Variants in KATNAL2 observed in about 807,000 individuals in gnomAD.
KATNAL2 encodes katanin catalytic subunit A1 like 2, also known as katanin p60 ATPase-containing subunit A-like 2.
KATNAL2 carries 52 observed loss-of-function variants against 76.3 expected under a neutral mutation model. That is an observed-to-expected ratio of 0.68 (90% CI 0.55 to 0.86). The LOEUF (loss-of-function observed/expected upper bound fraction) is 0.86, where lower values mean the gene tolerates loss of function less well. KATNAL2 is among the 40% of genes least tolerant of loss of function. The pLI, the probability that KATNAL2 is intolerant of heterozygous loss-of-function variation, is 0.00. For missense variants in KATNAL2, 660 were observed against 668.9 expected (o/e 0.99, Z 0.15); for synonymous variants, 243 against 244.2 (o/e 1.00, Z 0.05).
chr18:47,094,038 G>C (rs535946415), intron 15 of KATNAL2, among the ~76,000 whole-genome samples: 1 of 152,222 alleles, frequency 6.6e-6, no homozygotes, highest in Admixed American at 6.5e-5. Context: ...GGATGGTAGA[G>C]CCCTATGGGA....
chr18:47,069,303 T>C lies in KATNAL2; in HGVS notation c.889+20T>C. 1 of 1,593,726 alleles carries C rather than the reference T, an allele frequency of 6.3e-7. No individual in the cohort carries two copies. Among genetic ancestry groups the C allele is most frequent in the African/African-American group, 1.3e-5 (1 of 74,334 alleles). ...CTCCAGGTAAACACAGCTTCCTATT[T>C]TGATGTCAGTGTTAAGTGTGTGTGC... On this transcript the variant is annotated intron_variant, in intron 12 of 17. Coordinates refer to ENST00000683218, the MANE Select transcript of KATNAL2 (RefSeq NM_001387690.1).
chr18:47,084,482 G>T, intron 15 of KATNAL2: 1 of 690,834 alleles, frequency 1.4e-6, no homozygotes, highest in Non-Finnish European at 2.6e-6. Flanking sequence ...CTAGTGGCCT[G>T]GTATGTTCAG....
chr18:47,042,885 A>T (rs2061009379), intron 3 of KATNAL2, among the ~76,000 whole-genome samples: 1 of 152,108 alleles, frequency 6.6e-6, no homozygotes, highest in Admixed American at 6.5e-5. Flanking sequence ...GTGAATGGAA[A>T]ATGACCTACA....
intron 3 of KATNAL2, among the ~76,000 whole-genome samples, chr18:46,955,142 CTTTCTTTCTT>C (rs1361965823): frequency 7.5e-5 from 4 of 53,610 alleles, no homozygotes; most frequent in African/African-American, 2.5e-4. Context: ...TTCTCTCTCT[CTTTCTTTCTT>C]TCTTTCTTTC....
rs2058174019 is a variant in KATNAL2 at position 46,917,898 on chromosome 18, T to A, written c.-538T>A. 1 of 152,228 alleles carries A rather than the reference T, an allele frequency of 6.6e-6. No homozygotes were observed. Among genetic ancestry groups the A allele is most frequent in the Non-Finnish European group, 1.5e-5 (1 of 68,064 alleles). 9.4% of individuals were successfully genotyped at this position (152,228 alleles called of 1,614,324 possible). A position where few individuals can be genotyped will look rare whatever the true frequency, so the allele number is the denominator to read the frequency against. On this transcript the variant is annotated 5_prime_UTR_variant, in exon 1 of 18. Coordinates refer to ENST00000683218, the MANE Select transcript of KATNAL2 (RefSeq NM_001387690.1). Reference sequence around the variant, plus strand: ...ATAAAACCATCCCCCAGAGTAGTTGTGGCGGAATAATCTAAATATGGGTGT... The same window carrying A: ...ATAAAACCATCCCCCAGAGTAGTTGAGGCGGAATAATCTAAATATGGGTGT...
chr18:46,957,625 C>T (rs2059804197), intron 3 of KATNAL2, among the ~76,000 whole-genome samples: 1 of 138,940 alleles, frequency 7.2e-6, no homozygotes, highest in Non-Finnish European at 1.5e-5. Flanking sequence ...TGCAATGGCA[C>T]GATCTCGGCT....
intron 15 of KATNAL2, among the ~76,000 whole-genome samples, chr18:47,087,100 G>A (rs1396347622): frequency 6.6e-6 from 1 of 152,186 alleles, no homozygotes; most frequent in East Asian, 1.9e-4. Flanking sequence ...CCTTTCTGGT[G>A]AAAATGGTTT....
chr18:47,033,793 G>A, intron 3 of KATNAL2: 1 of 1,614,230 alleles, frequency 6.2e-7, no homozygotes, highest in Non-Finnish European at 8.5e-7. Context: ...TGAAGAGAGT[G>A]CTTCTGGCTT....
chr18:47,058,780 A>C (rs956988633), intron 7 of KATNAL2, among the ~76,000 whole-genome samples: 2 of 152,134 alleles, frequency 1.3e-5, no homozygotes, highest in African/African-American at 4.8e-5. Flanking sequence ...CCTACACTAC[A>C]TTTCAGGTAT....
At chr18:47,044,408 G>A (rs1344845279) in intron 3 of KATNAL2, among the ~76,000 whole-genome samples, 1 of 152,132 alleles carries the variant, frequency 6.6e-6, no homozygotes, top group African/African-American at 2.4e-5. Context: ...GGATGGTGGT[G>A]ATGGTTGTAC....
chr18:46,941,233 G>A (rs2059237788), intron 1 of KATNAL2, among the ~76,000 whole-genome samples: 1 of 151,980 alleles, frequency 6.6e-6, no homozygotes, highest in African/African-American at 2.4e-5. Context: ...GGGGTAGGGG[G>A]GCTGCTGAGG....
At chr18:47,088,085 G>T (rs2062851533) in intron 15 of KATNAL2, among the ~76,000 whole-genome samples, 1 of 152,136 alleles carries the variant, frequency 6.6e-6, no homozygotes, top group South Asian at 2.1e-4. Context: ...TGTTTAGCTG[G>T]AATAGGGCAG....
At chr18:47,033,799 G>A in intron 3 of KATNAL2, 1 of 1,614,206 alleles carries the variant, frequency 6.2e-7, no homozygotes, top group Non-Finnish European at 8.5e-7. Context: ...GAGTGCTTCT[G>A]GCTTTGCCTG....
chr18:47,064,689 G>A (rs991305443), intron 10 of KATNAL2, among the ~76,000 whole-genome samples: 1 of 152,136 alleles, frequency 6.6e-6, no homozygotes, highest in African/African-American at 2.4e-5. Flanking sequence ...TTTTGCAAAA[G>A]GGTAACATGA....
At chr18:46,922,220 C>A (rs944747870) in intron 1 of KATNAL2, among the ~76,000 whole-genome samples, 1 of 151,766 alleles carries the variant, frequency 6.6e-6, no homozygotes, top group Admixed American at 6.6e-5. Context: ...GTACCTCAGC[C>A]TCCCAAGTAG....
chr18:46,962,250 C>T (rs2060003267), intron 3 of KATNAL2, among the ~76,000 whole-genome samples: 1 of 135,406 alleles, frequency 7.4e-6, no homozygotes. Context: ...ATCTGCTTTC[C>T]TCGGCCTCCC....
At position 47,033,198 on chromosome 18, in the gene KATNAL2, G is replaced by T. The variant is rs776706205; in HGVS notation, c.52-13259G>T. ...TGCTGTCTCTGCCACCGCCGCTGCTGCTCTGGCTGGAGGGAGTGTGGCTGC... is the reference window on the plus strand; with the variant it reads ...TGCTGTCTCTGCCACCGCCGCTGCTTCTCTGGCTGGAGGGAGTGTGGCTGC... On this transcript the variant is annotated intron_variant, in intron 3 of 17. Coordinates refer to ENST00000683218, the MANE Select transcript of KATNAL2 (RefSeq NM_001387690.1). The T allele has an allele frequency of 6.2e-7, 1 of 1,614,104 alleles. No individual in the cohort carries two copies. The highest frequency in any genetic ancestry group is 8.5e-7 in the Non-Finnish European group (1 of 1,180,032).
chr18:46,941,413 A>G, intron 1 of KATNAL2, among the ~76,000 whole-genome samples: 1 of 152,212 alleles, frequency 6.6e-6, no homozygotes, highest in East Asian at 1.9e-4. Flanking sequence ...CACAGAAAGA[A>G]TAAGTGGAAT....
chr18:47,035,641 C>A, intron 3 of KATNAL2: 1 of 433,708 alleles, frequency 2.3e-6, no homozygotes. Context: ...GCTGCCCCGC[C>A]CCCATACGTA....
Sources: gnomAD v4.1 joint callset for allele counts (sites outside exome capture counted in the v4.1 genomes callset) on GRCh38, gnomAD v4.1.1 for gene constraint, MANE v1.5 for transcripts, NCBI Gene and HGNC (gene_info 2026-07-23, HGNC 2026-07-21) for gene names.